NEDD9: variants seen among roughly 807,000 people sequenced by gnomAD.
NEDD9 encodes the protein neural precursor cell expressed, developmentally down-regulated 9.
A neutral mutation model predicts 76.6 loss-of-function variants in NEDD9; 26 were observed. The ratio of observed to expected loss-of-function variants is 0.34; its 90% CI spans 0.25 to 0.47. NEDD9 has a LOEUF of 0.47. Ranked by LOEUF, NEDD9 falls within the 20% of genes least tolerant of loss-of-function variation. NEDD9 has a pLI of 1.00. For synonymous variants in NEDD9, 392 were observed against 414.2 expected (o/e 0.95, Z 0.65); for missense variants, 937 against 1,058.5 (o/e 0.89, Z 1.59).
intron 3 of NEDD9, among the ~76,000 whole-genome samples, chr6:11,253,335 T>C (rs1581984697): frequency 6.6e-6 from 1 of 152,188 alleles, no homozygotes; most frequent in Non-Finnish European, 1.5e-5. Context: ...TCCATTGAGG[T>C]TGCGGGGAGT....
intron 3 of NEDD9, among the ~76,000 whole-genome samples, chr6:11,296,125 G>GGTCT (rs1422633177): frequency 2.0e-5 from 3 of 152,054 alleles, no homozygotes; most frequent in African/African-American, 7.2e-5. Flanking sequence ...AGAAGATGAA[G>GGTCT]GTCTACAAGT....
intron 2 of NEDD9, among the ~76,000 whole-genome samples, chr6:11,196,181 G>GT (rs2113728396): frequency 6.6e-6 from 1 of 152,154 alleles, no homozygotes; most frequent in African/African-American, 2.4e-5. Context: ...GTGGGCGCCT[G>GT]TAGTCCCAGC....
intron 1 of NEDD9, among the ~76,000 whole-genome samples, chr6:11,345,502 A>G (rs1762348236): frequency 6.6e-6 from 1 of 152,056 alleles, no homozygotes; most frequent in Admixed American, 6.5e-5. Flanking sequence ...TGAACACCTT[A>G]AAGGAGACTC....
At chr6:11,330,831 T>C (rs1254470494) in intron 2 of NEDD9, among the ~76,000 whole-genome samples, 1 of 152,228 alleles carries the variant, frequency 6.6e-6, no homozygotes, top group African/African-American at 2.4e-5. Flanking sequence ...GAAAGCCTCA[T>C]TGTTCTGACT....
At chr6:11,195,182 C>A (rs920734178) in intron 2 of NEDD9, among the ~76,000 whole-genome samples, 2 of 152,242 alleles carry the variant, frequency 1.3e-5, no homozygotes, top group Non-Finnish European at 2.9e-5. Context: ...CTCAAAATGC[C>A]TGAGTTCAAT....
intron 3 of NEDD9, among the ~76,000 whole-genome samples, chr6:11,276,434 T>A (rs1020675312): frequency 1.3e-5 from 2 of 152,216 alleles, no homozygotes; most frequent in Admixed American, 6.5e-5. Flanking sequence ...CGCGCACACA[T>A]GCTGAGTCTT....
chr6:11,190,323 A>C lies in NEDD9; in HGVS notation c.1546T>G (p.Leu516Val), dbSNP rs1374955862. Reference sequence around the variant, plus strand: ...TTGTTCTGGGGCTTGTTGATGGCCAAGATATTCAGGGACCAGCTGCACTCA... The same window carrying C: ...TTGTTCTGGGGCTTGTTGATGGCCACGATATTCAGGGACCAGCTGCACTCA... The part of the protein sequence containing the change: ...LNECSWSLNI[L>V]AINKPQNKCD... The change falls in exon 5 of 7, where the codon TTG (leucine) becomes GTG (valine). Residue 516 changes from leucine (L) to valine (V), a missense_variant. By Grantham distance (32) the Leu-to-Val change is conservative (BLOSUM62 1). Coordinates refer to ENST00000379446, the MANE Select transcript of NEDD9 (RefSeq NM_006403.4). This position sits in a 1 kb window ranked among gnomAD's most constrained non-coding sequence, Gnocchi z 5.8. 1 of 1,614,178 alleles carries C rather than the reference A, an allele frequency of 6.2e-7. No individual in the cohort carries two copies. Among genetic ancestry groups the C allele is most frequent in the Admixed American group, 1.7e-5 (1 of 60,028 alleles).
At chr6:11,232,405 C>T (rs761393249) in intron 1 of NEDD9, 99 bp downstream of exon 1, 80 of 1,450,422 alleles carry the variant, frequency 5.5e-5, no homozygotes, top group Non-Finnish European at 6.8e-5. Context: ...CTCTCCGGGA[C>T]ACACAAGGGA....
At chr6:11,272,542 A>T (rs1394664513) in intron 3 of NEDD9, among the ~76,000 whole-genome samples, 1 of 152,242 alleles carries the variant, frequency 6.6e-6, no homozygotes, top group African/African-American at 2.4e-5. Context: ...AAGAAGAAGG[A>T]GAACGCTATC....
rs149268563 is a variant in NEDD9, at chr6:11,213,850, A to T, written c.13-123T>A. ...AAAGAGAGAAGCATAAATCTGAACA[A>T]TAGACTGTAAGGAGAAAAACAGATG... On this transcript the variant is annotated intron_variant, in intron 1 of 6. Transcript: ENST00000379446. The surrounding 1 kb of genome is among the most constrained non-coding windows in gnomAD (Gnocchi z 5.4). The T allele has an allele frequency of 7.2e-4, 616 of 855,846 alleles. 12 individuals are homozygous for T. The East Asian group carries it at 0.016, about 22-fold the overall frequency. 53.0% of individuals were successfully genotyped at this position (855,846 alleles called of 1,614,324 possible).
intron 1 of NEDD9, among the ~76,000 whole-genome samples, chr6:11,350,012 A>G (rs1053368164): frequency 5.3e-5 from 8 of 152,218 alleles, no homozygotes; most frequent in African/African-American, 9.7e-5. Flanking sequence ...TGAAGGTCAC[A>G]TTATCCTTCT....
chr6:11,296,871 G>C (rs9468818), intron 3 of NEDD9, among the ~76,000 whole-genome samples: 157 of 152,218 alleles, frequency 1.0e-3, no homozygotes, highest in African/African-American at 3.6e-3. Context: ...TGGGATTACA[G>C]GTGCACATCA....
intron 3 of NEDD9, among the ~76,000 whole-genome samples, chr6:11,253,101 T>C (rs1240783385): frequency 1.3e-5 from 2 of 152,208 alleles, no homozygotes; most frequent in African/African-American, 4.8e-5. Context: ...GTCATAGTTT[T>C]TTAAGAACAT....
At chr6:11,203,088 A>T (rs985889583) in intron 2 of NEDD9, among the ~76,000 whole-genome samples, 3 of 152,236 alleles carry the variant, frequency 2.0e-5, no homozygotes, top group Admixed American at 1.3e-4. Context: ...ATATTTAGTT[A>T]TAGAGTGACC....
At position 11,315,598 on chromosome 6, in the gene NEDD9, A is replaced by T. The variant is rs563856598; in HGVS notation, c.-152-9443T>A. The stretch of plus-strand genomic sequence containing the variant: ...ACAGCCAAATTGGGTGGTTTGGCTC[A>T]ATTTAACCAGTTTAAATGTTGTTGG... On this transcript the variant is annotated intron_variant, in intron 2 of 3. Transcript: ENST00000397378. Among the ~76,000 whole-genome samples, 12 of 152,336 alleles carry T rather than the reference A, an allele frequency of 7.9e-5. No homozygotes were observed. In the South Asian group the frequency reaches 2.3e-3, roughly 29 times the overall value.
rs376410687 is a variant in NEDD9, at chr6:11,316,216, G to C, written c.-152-10061C>G. Among the ~76,000 whole-genome samples, 61 of 152,282 alleles carry C rather than the reference G, an allele frequency of 4.0e-4. No individual in the cohort carries two copies. The East Asian group carries it at 9.7e-3, about 24-fold the overall frequency. On this transcript the variant is annotated intron_variant, in intron 2 of 3. Transcript: ENST00000397378. ...CTGATTCATCTCTACGCAGACCTTT[G>C]AGTTTCCTGAAGGCTTTGCTTCCCC...
chr6:11,282,090 T>A (rs1043762496), intron 3 of NEDD9, among the ~76,000 whole-genome samples: 12 of 152,246 alleles, frequency 7.9e-5, no homozygotes, highest in African/African-American at 2.7e-4. Context: ...ATGAATGCTT[T>A]TATTGCTTAA....
chr6:11,186,320 A>G (rs943499580), intron 6 of NEDD9, among the ~76,000 whole-genome samples: 1 of 152,228 alleles, frequency 6.6e-6, no homozygotes, highest in Admixed American at 6.5e-5. Context: ...CATAATATTT[A>G]GTCCCCCAGA....
At position 11,189,981 on chromosome 6, in the gene NEDD9, C is replaced by G; in HGVS notation, c.1888G>C (p.Asp630His). 1 of 1,517,714 alleles carries G rather than the reference C, an allele frequency of 6.6e-7. No individual in the cohort carries two copies. Among genetic ancestry groups the G allele is most frequent in the East Asian group, 2.3e-5 (1 of 44,006 alleles). 94.0% of individuals were successfully genotyped at this position (1,517,714 alleles called of 1,614,324 possible). Residue 630 changes from aspartate (D) to histidine (H), a missense_variant, in exon 5 of 7, where the codon GAT becomes CAT. Physicochemically the swap from Asp to His is moderately conservative, Grantham distance 81. Transcript: ENST00000379446. Reference protein sequence around the residue: ...GSERSWMDDYDYVHLQGKEEF... With the variant: ...GSERSWMDDYHYVHLQGKEEF... ...TGTTTTACCTGTAGGTGGACGTAAT[C>G]GTAGTCATCCATCCAGCTCCTCTCA...
Sources: allele counts gnomAD v4.1 joint callset (sites outside exome capture counted in the v4.1 genomes callset), GRCh38; gene constraint gnomAD v4.1.1; non-coding constraint Gnocchi (gnomAD v3.1); transcripts MANE v1.5; gene names NCBI Gene and HGNC (gene_info 2026-07-23, HGNC 2026-07-21).